Variants in DOCK3 observed in about 807,000 individuals in gnomAD.
DOCK3 encodes dedicator of cytokinesis protein 3.
A neutral mutation model predicts 265.6 loss-of-function variants in DOCK3; 60 were observed. That is an observed-to-expected ratio of 0.23 (90% CI 0.18 to 0.28). The LOEUF (loss-of-function observed/expected upper bound fraction) is 0.28. DOCK3 is among the 10% of genes least tolerant of loss of function. The pLI, the probability that DOCK3 is intolerant of heterozygous loss-of-function variation, is 1.00. For synonymous variants in DOCK3, 881 were observed against 938.0 expected, an observed-to-expected ratio of 0.94 and a Z score of 1.11; for missense variants, 1,981 against 2,594.3, an observed-to-expected ratio of 0.76 and a Z score of 5.14.
intron 1 of DOCK3, among the ~76,000 whole-genome samples, chr3:50,759,265 T>C (rs937956905): frequency 2.6e-5 from 4 of 152,190 alleles, no homozygotes; most frequent in Non-Finnish European, 5.9e-5. Flanking sequence ...TTATTCTGTT[T>C]AATTTTTTTA....
chr3:51,133,697 T>C (rs2084665940), intron 9 of DOCK3, among the ~76,000 whole-genome samples: 1 of 152,126 alleles, frequency 6.6e-6, no homozygotes, highest in Non-Finnish European at 1.5e-5. Flanking sequence ...GATTGCTGTG[T>C]CTAATTTATA....
rs1434108433 is a variant in DOCK3 at position 51,059,115 on chromosome 3, G to A, written c.316-5333G>A. The stretch of plus-strand genomic sequence containing the variant: ...CCTCTAATAGTCCCCAGTGTCTATT[G>A]TTGTTGTTTTTATATTCATGAGTAC... On this transcript the variant is annotated intron_variant, in intron 5 of 52. Transcript: ENST00000266037. 2.0e-5 allele frequency among the ~76,000 whole-genome samples: 3 copies of A among 151,958 alleles called. No individual in the cohort carries two copies. In the East Asian group the frequency reaches 5.8e-4, roughly 29 times the overall value.
At chr3:51,097,445 T>C (rs2082902246) in intron 9 of DOCK3, among the ~76,000 whole-genome samples, 1 of 152,202 alleles carries the variant, frequency 6.6e-6, no homozygotes, top group Admixed American at 6.5e-5. Flanking sequence ...TAATGGTGGC[T>C]GGCCCTCCCC....
In DOCK3 at chr3:51,285,807, C is replaced by T. The variant is rs9881662; in HGVS notation, c.2922+5603C>T. 3.6e-3 allele frequency among the ~76,000 whole-genome samples: 541 copies of T among 151,952 alleles called. 2 individuals are homozygous for T. The highest frequency in any genetic ancestry group is 0.013 in the African/African-American group (518 of 41,434). ...AAAATTAGCTGGGTGTGGTGGCGGG[C>T]GCCTGTAATCCCAGCTACTTGGGAG... is the stretch of plus-strand genomic sequence containing the variant. On this transcript the variant is annotated intron_variant, in intron 27 of 52. Coordinates refer to ENST00000266037, the MANE Select transcript of DOCK3 (RefSeq NM_004947.5).
chr3:50,733,353 G>A (rs1342772032), intron 1 of DOCK3, among the ~76,000 whole-genome samples: 1 of 152,004 alleles, frequency 6.6e-6, no homozygotes, highest in South Asian at 2.1e-4. Context: ...TTGTATTTCT[G>A]TCTATTCTCC....
chr3:51,301,379 T>A (rs1385230758), intron 27 of DOCK3, among the ~76,000 whole-genome samples: 1 of 152,092 alleles, frequency 6.6e-6, no homozygotes, highest in Non-Finnish European at 1.5e-5. Flanking sequence ...TTTTTTTTTT[T>A]GAAGGCTTTT....
chr3:50,870,360 A>G (rs2047375615), intron 3 of DOCK3, among the ~76,000 whole-genome samples: 1 of 152,182 alleles, frequency 6.6e-6, no homozygotes, highest in African/African-American at 2.4e-5. Flanking sequence ...TTATTGTTAT[A>G]TAGTGTACTT....
At chr3:51,294,677 CA>C (rs59339067) in intron 27 of DOCK3, among the ~76,000 whole-genome samples, 20 of 119,864 alleles carry the variant, frequency 1.7e-4, no homozygotes, top group African/African-American at 2.2e-4. Context: ...GACTCTATCT[CA>C]AAAAAAAAAA....
At chr3:51,307,886 T>G (rs968695521) in intron 27 of DOCK3, among the ~76,000 whole-genome samples, 4 of 149,716 alleles carry the variant, frequency 2.7e-5, no homozygotes, top group African/African-American at 7.4e-5. Context: ...TGGGTTTTTT[T>G]TTTTGTTTTT....
intron 32 of DOCK3, among the ~76,000 whole-genome samples, chr3:51,329,198 A>G (rs955702628): frequency 5.9e-5 from 9 of 152,184 alleles, no homozygotes; most frequent in African/African-American, 2.2e-4. Context: ...TTTATATCAT[A>G]TCACTTACAA....
At chr3:50,731,229 A>G (rs1305355125) in intron 1 of DOCK3, among the ~76,000 whole-genome samples, 1 of 152,234 alleles carries the variant, frequency 6.6e-6, no homozygotes, top group East Asian at 1.9e-4. Context: ...AATACACCAC[A>G]ACCAGTGTTG....
intron 26 of DOCK3, chr3:51,278,366 G>C: frequency 2.0e-6 from 2 of 985,362 alleles, no homozygotes; most frequent in Non-Finnish European, 2.4e-6. Context: ...CCCAACTCCA[G>C]AGTAGACTTA....
At chr3:51,033,209 CAT>C (rs2080122357) in intron 5 of DOCK3, among the ~76,000 whole-genome samples, 1 of 152,174 alleles carries the variant, frequency 6.6e-6, no homozygotes, top group Admixed American at 6.6e-5. Flanking sequence ...AGAGCATTGT[CAT>C]AGTGGAGAAG....
At chr3:51,379,607 TGGTCTCAGACTCTGCTCAA>T (rs1183432222) in intron 51 of DOCK3, 3 of 985,344 alleles carry the variant, frequency 3.0e-6, no homozygotes, top group Admixed American at 6.1e-5. Flanking sequence ...CGATAGTCCC[TGGTCTCAGACTCTGCTCAA>T]GGGCCACAGC....
chr3:50,743,342 A>G (rs984527444), intron 1 of DOCK3, among the ~76,000 whole-genome samples: 9 of 152,092 alleles, frequency 5.9e-5, no homozygotes, highest in Non-Finnish European at 1.3e-4. Flanking sequence ...CACACATAAC[A>G]ATATTAACTT....
rs148015771 is a variant in DOCK3, at chr3:51,304,629, G to T, written c.2923-5603G>T. Reference sequence around the variant, plus strand: ...CCACAAGTAGGATCTCCTGATCTATGGGTTGCACAGATCTGTGGAAAAAGC... The same window carrying T: ...CCACAAGTAGGATCTCCTGATCTATTGGTTGCACAGATCTGTGGAAAAAGC... On this transcript the variant is annotated intron_variant, in intron 27 of 52. Coordinates refer to ENST00000266037, the MANE Select transcript of DOCK3 (RefSeq NM_004947.5). Among the ~76,000 whole-genome samples the T allele has an allele frequency of 5.3e-5, 8 of 152,336 alleles. No individual in the cohort carries two copies. In the East Asian group the frequency reaches 1.5e-3, roughly 29 times the overall value.
At chr3:51,018,580 A>G (rs368643274) in intron 5 of DOCK3, among the ~76,000 whole-genome samples, 2 of 151,782 alleles carry the variant, frequency 1.3e-5, no homozygotes, top group Admixed American at 6.6e-5. Context: ...AAGTATTTGC[A>G]TATATATAAT....
intron 3 of DOCK3, among the ~76,000 whole-genome samples, chr3:50,851,717 C>G (rs1014469632): frequency 6.6e-6 from 1 of 152,124 alleles, no homozygotes; most frequent in Admixed American, 6.5e-5. Flanking sequence ...AGCAGTTCTC[C>G]CACCACAGGC....
At chr3:50,748,103 C>T (rs2039567463) in intron 1 of DOCK3, among the ~76,000 whole-genome samples, 2 of 151,946 alleles carry the variant, frequency 1.3e-5, no homozygotes, top group African/African-American at 4.8e-5. Flanking sequence ...TTTTTCCTAC[C>T]TGCCTGACTG....
Sources: gnomAD v4.1 joint callset for allele counts (sites outside exome capture counted in the v4.1 genomes callset) on GRCh38, gnomAD v4.1.1 for gene constraint, MANE v1.5 for transcripts, NCBI Gene and HGNC (gene_info 2026-07-23, HGNC 2026-07-21) for gene names.